Variants in CNTNAP5 observed in about 807,000 individuals in gnomAD.
CNTNAP5 encodes contactin-associated protein-like 5.
CNTNAP5 carries 72 observed loss-of-function variants against 150.2 expected under a neutral mutation model. The observed-to-expected ratio is 0.48, with a 90% confidence interval of 0.40 to 0.58. The LOEUF is 0.58. Among genes scored for constraint, CNTNAP5 ranks in the 20% least tolerant of loss-of-function variants. CNTNAP5 has a pLI of 0.00. For missense variants in CNTNAP5, 1,636 were observed against 1,626.2 expected, an observed-to-expected ratio of 1.01 and a Z score of -0.10; for synonymous variants, 672 against 619.8, an observed-to-expected ratio of 1.08 and a Z score of -1.25.
intron 6 of CNTNAP5, among the ~76,000 whole-genome samples, chr2:124,459,570 G>A (rs746926234): frequency 1.3e-5 from 2 of 151,950 alleles, no homozygotes; most frequent in Non-Finnish European, 2.9e-5. Context: ...CCAACAGCAT[G>A]ATGAAACCCC....
chr2:124,607,670 A>G (rs1199167803), intron 11 of CNTNAP5, among the ~76,000 whole-genome samples: 3 of 152,130 alleles, frequency 2.0e-5, no homozygotes, highest in Non-Finnish European at 4.4e-5. Context: ...CTGCCAGGAA[A>G]AACCACCCAT....
chr2:124,651,372 A>C (rs1357771086), intron 13 of CNTNAP5, among the ~76,000 whole-genome samples: 1 of 152,232 alleles, frequency 6.6e-6, no homozygotes, highest in East Asian at 1.9e-4. Context: ...AAGAAGGCAA[A>C]ATGAAAGACA....
At chr2:124,350,821 T>A (rs185896915) in intron 3 of CNTNAP5, among the ~76,000 whole-genome samples, 10 of 152,336 alleles carry the variant, frequency 6.6e-5, no homozygotes, top group African/African-American at 2.2e-4. Context: ...TCTTTGTGCA[T>A]CCTGAGATAG....
intron 19 of CNTNAP5, among the ~76,000 whole-genome samples, chr2:124,814,215 C>T (rs1339353526): frequency 1.3e-5 from 2 of 151,568 alleles, no homozygotes; most frequent in African/African-American, 4.9e-5. Flanking sequence ...TAGGTCTTTG[C>T]ACATTTTCTT....
chr2:124,093,064 A>C (rs1682851059), intron 1 of CNTNAP5, among the ~76,000 whole-genome samples: 2 of 152,230 alleles, frequency 1.3e-5, no homozygotes, highest in Admixed American at 6.5e-5. Context: ...AAGAACAAGT[A>C]GTCATTTCTC....
intron 3 of CNTNAP5, among the ~76,000 whole-genome samples, chr2:124,285,387 A>G (rs1688124340): frequency 6.6e-6 from 1 of 152,180 alleles, no homozygotes; most frequent in African/African-American, 2.4e-5. Context: ...TAATGCATAC[A>G]TTAAACAGGA....
intron 3 of CNTNAP5, among the ~76,000 whole-genome samples, chr2:124,399,042 C>T (rs1240587718): frequency 1.3e-5 from 2 of 152,104 alleles, no homozygotes; most frequent in East Asian, 1.9e-4. Context: ...GAAATTAATT[C>T]CTTTAGCTTG....
chr2:124,508,380 T>C (rs1395403502), intron 8 of CNTNAP5, among the ~76,000 whole-genome samples: 1 of 152,200 alleles, frequency 6.6e-6, no homozygotes, highest in Non-Finnish European at 1.5e-5. Flanking sequence ...ATCCTCCTTA[T>C]TTGAAAAAGA....
At chr2:124,553,896 TCTC>T (rs1242804034) in intron 10 of CNTNAP5, among the ~76,000 whole-genome samples, 2 of 152,054 alleles carry the variant, frequency 1.3e-5, no homozygotes, top group African/African-American at 4.8e-5. Flanking sequence ...AAGCTGAAGT[TCTC>T]CTCAGGGATA....
rs557683809 is a variant in CNTNAP5 at position 124,214,779 on chromosome 2, G to A, written c.83-6926G>A. On this transcript the variant is annotated intron_variant, in intron 1 of 23. Transcript: ENST00000682447. Reference sequence around the variant, plus strand: ...TTGCTTTCTTGAGCTCAGGGTCTATGTATTTGACTTTATTCTGTCTTCTCA... The same window carrying A: ...TTGCTTTCTTGAGCTCAGGGTCTATATATTTGACTTTATTCTGTCTTCTCA... Among the ~76,000 whole-genome samples, 3 of 152,300 alleles carry A rather than the reference G, an allele frequency of 2.0e-5. No individual in the cohort carries two copies. The East Asian group carries it at 5.8e-4, about 29-fold the overall frequency.
intron 13 of CNTNAP5, among the ~76,000 whole-genome samples, chr2:124,682,114 C>T (rs1679082196): frequency 6.6e-6 from 1 of 152,144 alleles, no homozygotes; most frequent in Middle Eastern, 3.2e-3. Context: ...GTGATTGGTG[C>T]TCTCTTCTTT....
intron 6 of CNTNAP5, among the ~76,000 whole-genome samples, chr2:124,465,473 G>T (rs754431749): frequency 2.0e-5 from 3 of 152,110 alleles, no homozygotes; most frequent in Non-Finnish European, 2.9e-5. Flanking sequence ...GAAAGAGACC[G>T]AATTGCCAAA....
intron 21 of CNTNAP5, among the ~76,000 whole-genome samples, chr2:124,889,532 TAGC>T (rs1262578512): frequency 3.9e-5 from 6 of 152,136 alleles, no homozygotes; most frequent in Non-Finnish European, 8.8e-5. Flanking sequence ...TTCTTAAATA[TAGC>T]ATTTTCCTTG....
intron 3 of CNTNAP5, among the ~76,000 whole-genome samples, chr2:124,381,982 G>A (rs1295686493): frequency 1.3e-5 from 2 of 152,144 alleles, no homozygotes; most frequent in Non-Finnish European, 2.9e-5. Flanking sequence ...AGGTAAGCAG[G>A]AGCAACAAGG....
chr2:124,640,057 C>T (rs1346708460), intron 12 of CNTNAP5, among the ~76,000 whole-genome samples: 2 of 152,050 alleles, frequency 1.3e-5, no homozygotes, highest in East Asian at 3.9e-4. Context: ...ACTTGCACCC[C>T]TCATCCGACC....
At chr2:124,040,412 T>A (rs2104630654) in intron 1 of CNTNAP5, among the ~76,000 whole-genome samples, 1 of 152,276 alleles carries the variant, frequency 6.6e-6, no homozygotes, top group Non-Finnish European at 1.5e-5. Context: ...AACAATTATC[T>A]AATTATATAA....
chr2:124,453,726 C>T (rs1693045834), intron 6 of CNTNAP5, among the ~76,000 whole-genome samples: 1 of 152,160 alleles, frequency 6.6e-6, no homozygotes, highest in African/African-American at 2.4e-5. Flanking sequence ...GGGGCCTTAT[C>T]TTCAACTTCC....
intron 16 of CNTNAP5, among the ~76,000 whole-genome samples, chr2:124,765,771 T>A (rs1177262325): frequency 1.3e-5 from 2 of 151,840 alleles, no homozygotes; most frequent in Non-Finnish European, 2.9e-5. Flanking sequence ...GCATGCCCAA[T>A]ATGGTGAAAC....
intron 3 of CNTNAP5, among the ~76,000 whole-genome samples, chr2:124,286,566 C>A (rs888279605): frequency 6.6e-6 from 1 of 152,118 alleles, no homozygotes; most frequent in African/African-American, 2.4e-5. Flanking sequence ...GAACACAAAC[C>A]TCCTGGGGAT....
Sources: allele counts gnomAD v4.1 joint callset (sites outside exome capture counted in the v4.1 genomes callset), GRCh38; gene constraint gnomAD v4.1.1; transcripts MANE v1.5; gene names NCBI Gene and HGNC (gene_info 2026-07-23, HGNC 2026-07-21).